Variants in MYRIP observed in about 807,000 individuals in gnomAD.
MYRIP encodes the protein myosin VIIA and Rab interacting protein.
In MYRIP, 49 loss-of-function variants were observed where a neutral mutation model predicts 98.0. That is an observed-to-expected ratio of 0.50 (90% confidence interval 0.40 to 0.63). The LOEUF (loss-of-function observed/expected upper bound fraction) is 0.63. MYRIP is among the 30% of genes least tolerant of loss of function. The pLI, the probability that MYRIP is intolerant of heterozygous loss-of-function variation, is 0.00. For missense variants in MYRIP, 1,004 were observed against 1,058.2 expected, an observed-to-expected ratio of 0.95 and a Z score of 0.71; for synonymous variants, 404 against 409.5, an observed-to-expected ratio of 0.99 and a Z score of 0.16.
At chr3:39,876,351 A>T (rs188554368) in intron 1 of MYRIP, among the ~76,000 whole-genome samples, 6 of 152,266 alleles carry the variant, frequency 3.9e-5, no homozygotes, top group Admixed American at 2.0e-4. Context: ...ATTTAAAGTT[A>T]ATACTGTTAT....
At chr3:39,981,189 T>C (rs1200390359) in intron 2 of MYRIP, among the ~76,000 whole-genome samples, 1 of 152,218 alleles carries the variant, frequency 6.6e-6, no homozygotes, top group Admixed American at 6.5e-5. Flanking sequence ...AATCAGTGTC[T>C]GCATTTGAAA....
Position 39,877,430 on chromosome 3 carries a change from G to A in MYRIP, c.-30-23357G>A, listed in dbSNP as rs1943030545. Among the ~76,000 whole-genome samples the A allele has an allele frequency of 3.3e-5, 5 of 152,010 alleles. No individual in the cohort carries two copies. The South Asian group carries it at 6.2e-4, about 19-fold the overall frequency. On this transcript the variant is annotated intron_variant, in intron 1 of 16. Transcript: ENST00000302541. ...GAGGAGAGGCGCTCTGCTTTTTAGA[G>A]TTTCCAGTTTTTCTGCTCTGTTTTT...
intron 2 of MYRIP, among the ~76,000 whole-genome samples, chr3:39,995,906 C>A (rs1012192635): frequency 5.9e-5 from 9 of 152,112 alleles, no homozygotes; most frequent in Admixed American, 5.9e-4. Flanking sequence ...GAATTTTCAA[C>A]CCAGAATTTC....
chr3:39,912,777 T>C (rs1163612809), intron 2 of MYRIP, among the ~76,000 whole-genome samples: 1 of 152,206 alleles, frequency 6.6e-6, no homozygotes, highest in Non-Finnish European at 1.5e-5. Context: ...TAGTGGCTCA[T>C]GCCTGTAATC....
chr3:39,940,929 A>G (rs773027070), intron 2 of MYRIP, among the ~76,000 whole-genome samples: 35 of 152,300 alleles, frequency 2.3e-4, no homozygotes, highest in Non-Finnish European at 4.4e-4. Context: ...TTGTCTTCTT[A>G]CATATTCAGC....
chr3:40,104,371 G>A (rs1949013150), intron 3 of MYRIP, among the ~76,000 whole-genome samples: 1 of 152,148 alleles, frequency 6.6e-6, no homozygotes, highest in African/African-American at 2.4e-5. Context: ...TTTTCTCAGT[G>A]AGAAGATGAA....
chr3:40,214,247 C>T (rs1952049275), intron 11 of MYRIP, among the ~76,000 whole-genome samples: 1 of 152,224 alleles, frequency 6.6e-6, no homozygotes, highest in Admixed American at 6.5e-5. Context: ...GGCCTCATCT[C>T]ACCAAAAGGA....
chr3:39,986,601 C>G (rs1456946353), intron 2 of MYRIP, among the ~76,000 whole-genome samples: 1 of 152,106 alleles, frequency 6.6e-6, no homozygotes, highest in Non-Finnish European at 1.5e-5. Flanking sequence ...TGCAGCGGTA[C>G]CATGCCCATT....
intron 3 of MYRIP, among the ~76,000 whole-genome samples, chr3:40,086,091 C>T (rs1261619108): frequency 1.3e-5 from 2 of 152,002 alleles, no homozygotes; most frequent in East Asian, 1.9e-4. Context: ...AAATGTTTCA[C>T]CCACAGGAAG....
chr3:39,890,983 C>T (rs78323313), intron 1 of MYRIP, among the ~76,000 whole-genome samples: 218 of 152,142 alleles, frequency 1.4e-3, no homozygotes, highest in African/African-American at 5.1e-3. Flanking sequence ...CCTTTTATCT[C>T]CTCTTCCTCC....
intron 2 of MYRIP, among the ~76,000 whole-genome samples, chr3:39,995,447 A>T (rs150590349): frequency 1.3e-5 from 2 of 152,372 alleles, no homozygotes; most frequent in African/African-American, 4.8e-5. Flanking sequence ...GTGATGGAAG[A>T]TCAAATGAAT....
chr3:40,078,301 C>A (rs1355560186), intron 3 of MYRIP, among the ~76,000 whole-genome samples: 2 of 152,328 alleles, frequency 1.3e-5, no homozygotes, highest in East Asian at 3.9e-4. Flanking sequence ...CGCATTCGCA[C>A]CTCTCTCCCT....
chr3:40,168,377 G>A (rs796473148), intron 7 of MYRIP, among the ~76,000 whole-genome samples: 39 of 152,280 alleles, frequency 2.6e-4, no homozygotes, highest in African/African-American at 8.9e-4. Flanking sequence ...CTAGCCTATC[G>A]TAAATGTACT....
intron 2 of MYRIP, among the ~76,000 whole-genome samples, chr3:39,936,644 A>T (rs1385467702): frequency 1.3e-5 from 2 of 152,196 alleles, no homozygotes; most frequent in Non-Finnish European, 2.9e-5. Flanking sequence ...AAGAATCAGA[A>T]GGCAGAGCAT....
At chr3:39,966,305 A>G (rs1001292858) in intron 2 of MYRIP, among the ~76,000 whole-genome samples, 7 of 152,172 alleles carry the variant, frequency 4.6e-5, no homozygotes, top group African/African-American at 1.7e-4. Flanking sequence ...AACACTGAAG[A>G]TATTAAAGGA....
rs553398672 is a variant in MYRIP at position 40,066,796 on chromosome 3, G to A, written c.332+22525G>A. On this transcript the variant is annotated intron_variant, in intron 3 of 16. Transcript: ENST00000302541. ...GAATGATTAAAATATAAGTTGTCTAGGGTGTTTTCAGCAGTTCACATTCCT... is the reference window on the plus strand; with the variant it reads ...GAATGATTAAAATATAAGTTGTCTAAGGTGTTTTCAGCAGTTCACATTCCT... Among the ~76,000 whole-genome samples the A allele has an allele frequency of 1.4e-3, 209 of 152,280 alleles. 1 individual carries two copies. Among genetic ancestry groups the A allele is most frequent in the African/African-American group, 5.0e-3 (206 of 41,556 alleles).
At chr3:40,024,947 C>T (rs1947088541) in intron 2 of MYRIP, among the ~76,000 whole-genome samples, 1 of 152,208 alleles carries the variant, frequency 6.6e-6, no homozygotes, top group Non-Finnish European at 1.5e-5. Context: ...GCCTGCTGCA[C>T]AACTCTGGTA....
chr3:39,978,184 G>T lies in MYRIP; in HGVS notation c.111-65866G>T, dbSNP rs115592784. ...CTGATGCCCTTGAATTGAGACTGGGGTGACATATAATGCATTCATAGAAAT... is the reference window on the plus strand; with the variant it reads ...CTGATGCCCTTGAATTGAGACTGGGTTGACATATAATGCATTCATAGAAAT... On this transcript the variant is annotated intron_variant, in intron 2 of 16. Coordinates refer to ENST00000302541, the MANE Select transcript of MYRIP (RefSeq NM_015460.4). Among the ~76,000 whole-genome samples, 119 of 152,256 alleles carry T rather than the reference G, an allele frequency of 7.8e-4. 1 individual carries two copies. Among genetic ancestry groups the T allele is most frequent in the African/African-American group, 2.7e-3 (111 of 41,556 alleles).
chr3:39,994,037 T>C (rs577065211), intron 2 of MYRIP, among the ~76,000 whole-genome samples: 1 of 152,322 alleles, frequency 6.6e-6, no homozygotes, highest in Admixed American at 6.5e-5. Flanking sequence ...AACTTATAAA[T>C]GTAAAAAGAA....
Sources: gnomAD v4.1 joint callset for allele counts (sites outside exome capture counted in the v4.1 genomes callset) on GRCh38, gnomAD v4.1.1 for gene constraint, MANE v1.5 for transcripts, NCBI Gene and HGNC (gene_info 2026-07-23, HGNC 2026-07-21) for gene names.